RBM27: variants seen among roughly 807,000 people sequenced by gnomAD.
The protein encoded by RBM27 is RNA binding motif protein 27, also known as RNA-binding protein 27.
Under a neutral mutation model 135.3 loss-of-function variants are expected in RBM27, and 22 were observed. The ratio of observed to expected loss-of-function variants is 0.16; its 90% confidence interval spans 0.12 to 0.23. The LOEUF is 0.23. Among genes scored for constraint, RBM27 ranks in the 10% least tolerant of loss-of-function variants. The pLI is 1.00. For missense variants in RBM27, 1,009 were observed against 1,281.0 expected (o/e 0.79, Z 3.24); for synonymous variants, 481 against 442.4 (o/e 1.09, Z -1.10).
intron 1 of RBM27, among the ~76,000 whole-genome samples, chr5:146,215,489 C>T (rs1347200882): frequency 1.3e-5 from 2 of 152,182 alleles, no homozygotes; most frequent in African/African-American, 4.8e-5. Flanking sequence ...CCTATAACGT[C>T]AGAGAAAATA....
intron 8 of RBM27, among the ~76,000 whole-genome samples, chr5:146,247,220 T>C (rs1355338727): frequency 3.3e-5 from 5 of 152,138 alleles, no homozygotes; most frequent in Non-Finnish European, 5.9e-5. Context: ...CTTAATGACA[T>C]GATTGTTTTA....
intron 6 of RBM27, 114 bp from the exon 7 acceptor site, chr5:146,233,336 T>C: frequency 6.9e-7 from 1 of 1,459,798 alleles, no homozygotes; most frequent in Non-Finnish European, 9.0e-7. Context: ...TTGGATTCCT[T>C]GGAGAAAACC....
At chr5:146,220,722 T>C (rs1201330957) in intron 2 of RBM27, among the ~76,000 whole-genome samples, 1 of 152,086 alleles carries the variant, frequency 6.6e-6, no homozygotes, top group Non-Finnish European at 1.5e-5. Flanking sequence ...GACAGAATTT[T>C]TTCCCAGTAC....
chr5:146,283,159 A>G (rs1343906901), intron 19 of RBM27, among the ~76,000 whole-genome samples: 2 of 152,210 alleles, frequency 1.3e-5, no homozygotes, highest in African/African-American at 4.8e-5. Context: ...ACAAGCAGGG[A>G]AAGCCTCTCT....
In RBM27 at chr5:146,286,160, C is replaced by A; in HGVS notation, c.*130C>A. Reference sequence around the variant, plus strand: ...CTTTTCAACACAGTAGGTTCAAGAACAGCAAGTTTGCTATTTAAACACATC... The same window carrying A: ...CTTTTCAACACAGTAGGTTCAAGAAAAGCAAGTTTGCTATTTAAACACATC... On this transcript the variant is annotated 3_prime_UTR_variant, in exon 21 of 21. Transcript: ENST00000265271. 1 of 665,242 alleles carries A rather than the reference C, an allele frequency of 1.5e-6. No homozygotes were observed. Among genetic ancestry groups the A allele is most frequent in the Non-Finnish European group, 2.5e-6 (1 of 403,068 alleles). The allele number at this position is 665,242 out of a possible 1,614,324, so 41.2% of individuals were successfully genotyped here.
intron 5 of RBM27, 112 bp from the exon 6 acceptor site, chr5:146,230,545 G>C: frequency 8.9e-7 from 1 of 1,127,502 alleles, no homozygotes; most frequent in Non-Finnish European, 1.3e-6. Flanking sequence ...TGGATAGCTA[G>C]ATAAGTTTAA....
intron 19 of RBM27, among the ~76,000 whole-genome samples, chr5:146,274,389 T>C (rs1334445749): frequency 2.0e-5 from 3 of 152,308 alleles, no homozygotes; most frequent in Admixed American, 2.0e-4. Context: ...CCTGAGTAGC[T>C]GAGACTACAG....
At chr5:146,280,139 A>C (rs1385853483) in intron 19 of RBM27, among the ~76,000 whole-genome samples, 3 of 151,632 alleles carry the variant, frequency 2.0e-5, no homozygotes, top group African/African-American at 7.3e-5. Context: ...GCTCACTGCA[A>C]CCTCCACCTC....
intron 1 of RBM27, among the ~76,000 whole-genome samples, chr5:146,210,198 A>G (rs1755872560): frequency 6.6e-6 from 1 of 152,200 alleles, no homozygotes; most frequent in African/African-American, 2.4e-5. Flanking sequence ...AACACTCAGT[A>G]TATGTTTAAA....
chr5:146,205,758 C>G (rs1003858417), intron 1 of RBM27, among the ~76,000 whole-genome samples: 1 of 152,076 alleles, frequency 6.6e-6, no homozygotes, highest in East Asian at 1.9e-4. Context: ...CGGTGGTTCA[C>G]GCCTGTAATC....
chr5:146,246,260 A>G (rs1053962423), intron 8 of RBM27, among the ~76,000 whole-genome samples: 7 of 152,184 alleles, frequency 4.6e-5, no homozygotes, highest in Admixed American at 2.0e-4. Flanking sequence ...GAATACTCTT[A>G]AAGACAAAAT....
Position 146,248,681 on chromosome 5 carries a change from G to T in RBM27, c.1280-3030G>T, listed in dbSNP as rs188966780. Among the ~76,000 whole-genome samples the T allele has an allele frequency of 3.3e-5, 5 of 152,278 alleles. No individual in the cohort carries two copies. In the East Asian group the frequency reaches 9.7e-4, roughly 29 times the overall value. ...GGGTTTCACCCTATTGCCCAGCCTG[G>T]TCTCAAATTCCTGAGCTCAAGGGAT... On this transcript the variant is annotated intron_variant, in intron 8 of 20. Coordinates refer to ENST00000265271, the MANE Select transcript of RBM27 (RefSeq NM_018989.2).
chr5:146,228,282 C>CTTTT (rs1043361050), intron 3 of RBM27, among the ~76,000 whole-genome samples: 173 of 111,368 alleles, frequency 1.6e-3, no homozygotes, highest in Middle Eastern at 4.4e-3. Context: ...ACCATTCTTT[C>CTTTT]TTTTTTTTTT....
intron 17 of RBM27, 127 bp downstream of exon 17, chr5:146,269,711 G>C: frequency 2.7e-4 from 57 of 207,742 alleles, no homozygotes; most frequent in East Asian, 9.1e-4. Context: ...AACAATTATA[G>C]TACTTAAAAA....
intron 17 of RBM27, 93 bp from the exon 18 acceptor site, chr5:146,270,861 A>C (rs751844592): frequency 1.0e-4 from 77 of 767,610 alleles, no homozygotes; most frequent in Non-Finnish European, 1.6e-4. Context: ...TCATGTTCCA[A>C]AATACATGTG....
At chr5:146,281,336 A>C (rs1759343911) in intron 19 of RBM27, among the ~76,000 whole-genome samples, 1 of 152,182 alleles carries the variant, frequency 6.6e-6, no homozygotes, top group African/African-American at 2.4e-5. Context: ...TTTGGCCATG[A>C]GTTCAATGTT....
At chr5:146,266,376 A>C (rs146269110) in intron 14 of RBM27, among the ~76,000 whole-genome samples, 77 of 152,352 alleles carry the variant, frequency 5.1e-4, no homozygotes, top group African/African-American at 1.8e-3. Context: ...AAAGAGATGT[A>C]ACAAGTTGCA....
Position 146,229,758 on chromosome 5 carries a change from A to T in RBM27, c.437A>T (p.Tyr146Phe). 2 of 1,612,250 alleles carry T rather than the reference A, an allele frequency of 1.2e-6. No homozygotes were observed. The highest frequency in any genetic ancestry group is 1.1e-5 in the South Asian group (1 of 91,038). ...AGAGAAGACGGGAAATGGAGAGACT[A>T]TGACCGGTACTATGAGCGGAATGAA... ...KKREDGKWRDYDRYYERNELY... is the reference protein window; with the variant it reads ...KKREDGKWRDFDRYYERNELY... The change falls in exon 5 of 21, where the codon TAT becomes TTT. Residue 146 changes from tyrosine (Y) to phenylalanine (F), a missense_variant. Physicochemically the swap from Tyr to Phe is conservative, Grantham distance 22 (BLOSUM62 3). Transcript: ENST00000265271.
intron 1 of RBM27, among the ~76,000 whole-genome samples, chr5:146,218,175 A>AG (rs1253183915): frequency 1.3e-5 from 2 of 152,352 alleles, no homozygotes; most frequent in East Asian, 3.9e-4. Context: ...GTTTACAACA[A>AG]GAAAACTAAA....
Sources: gnomAD v4.1 joint callset for allele counts (sites outside exome capture counted in the v4.1 genomes callset) on GRCh38, gnomAD v4.1.1 for gene constraint, MANE v1.5 for transcripts, NCBI Gene and HGNC (gene_info 2026-07-23, HGNC 2026-07-21) for gene names.